GALNT13: variants seen among roughly 807,000 people sequenced by gnomAD.
The protein encoded by GALNT13 is UDP-GalNAc:polypeptide N-acetylgalactosaminyltransferase 13.
Under a neutral mutation model 64.2 loss-of-function variants are expected in GALNT13, and 28 were observed. The observed-to-expected ratio is 0.44, with a 90% CI of 0.32 to 0.60. GALNT13 has a LOEUF of 0.60. Among genes scored for constraint, GALNT13 ranks in the 20% least tolerant of loss-of-function variants. The pLI is 0.05. For synonymous variants in GALNT13, 214 were observed against 224.6 expected, an observed-to-expected ratio of 0.95 and a Z score of 0.42; for missense variants, 577 against 669.8, an observed-to-expected ratio of 0.86 and a Z score of 1.53.
At chr2:153,471,208 G>T in the GALNT13 span, among the ~76,000 whole-genome samples, 18 of 152,162 alleles carry the variant, frequency 1.2e-4, no homozygotes, top group Non-Finnish European at 2.2e-4. Context: ...ATTAGCAGAA[G>T]ATAGGATATT....
chr2:153,666,030 G>T, the GALNT13 span, among the ~76,000 whole-genome samples: 5 of 152,096 alleles, frequency 3.3e-5, no homozygotes, highest in East Asian at 9.7e-4. Flanking sequence ...CATGGGATGA[G>T]GTTAGTATGA....
At chr2:153,901,930 G>T (rs1045718602) in intron 2 of GALNT13, among the ~76,000 whole-genome samples, 8 of 152,006 alleles carry the variant, frequency 5.3e-5, no homozygotes, top group Non-Finnish European at 8.8e-5. Flanking sequence ...GTTGCTTTTT[G>T]CAGTGAAGAA....
At chr2:153,383,823 G>GA in the GALNT13 span, among the ~76,000 whole-genome samples, 1 of 151,990 alleles carries the variant, frequency 6.6e-6, no homozygotes, top group Non-Finnish European at 1.5e-5. Context: ...ATGAGTGGCA[G>GA]AAAAATCAAA....
At chr2:153,430,265 T>G in the GALNT13 span, among the ~76,000 whole-genome samples, 2 of 151,732 alleles carry the variant, frequency 1.3e-5, no homozygotes, top group African/African-American at 2.4e-5. Flanking sequence ...ATAGCCAATT[T>G]TAATTTTTTT....
At chr2:153,473,962 T>G in the GALNT13 span, among the ~76,000 whole-genome samples, 1 of 152,206 alleles carries the variant, frequency 6.6e-6, no homozygotes, top group Non-Finnish European at 1.5e-5. Flanking sequence ...CTTTGTCCTT[T>G]GAGAACGCAG....
chr2:153,319,613 T>A, the GALNT13 span, among the ~76,000 whole-genome samples: 14 of 152,270 alleles, frequency 9.2e-5, no homozygotes, highest in South Asian at 2.9e-3. Flanking sequence ...TTAAATATAG[T>A]GATTAACAAG....
the GALNT13 span, among the ~76,000 whole-genome samples, chr2:153,469,127 G>C: frequency 6.6e-6 from 1 of 151,830 alleles, no homozygotes; most frequent in South Asian, 2.1e-4. Flanking sequence ...CCAAGAAAAA[G>C]AGGATATATT....
chr2:153,532,653 T>C, the GALNT13 span, among the ~76,000 whole-genome samples: 2 of 152,210 alleles, frequency 1.3e-5, no homozygotes, highest in African/African-American at 4.8e-5. Context: ...TCTTTATAAG[T>C]TTCAGTTTTA....
At chr2:153,463,163 TA>T in the GALNT13 span, among the ~76,000 whole-genome samples, 1 of 151,996 alleles carries the variant, frequency 6.6e-6, no homozygotes, top group African/African-American at 2.4e-5. Flanking sequence ...ATAAATAATT[TA>T]AAAAGTAATT....
the GALNT13 span, among the ~76,000 whole-genome samples, chr2:153,418,191 G>A: frequency 1.3e-5 from 2 of 151,944 alleles, no homozygotes; most frequent in Non-Finnish European, 2.9e-5. Context: ...AGAAGCAGAG[G>A]TCAGTGAGGT....
rs543192783 is a variant in GALNT13 at position 153,967,744 on chromosome 2, A to G, written c.142+23105A>G. ...TGGTGCTCACCCATGGACCACATCT[A>G]CTACTGTCTGTCTGCCCCGGATATT... On this transcript the variant is annotated intron_variant, in intron 3 of 12. Transcript: ENST00000392825. Among the ~76,000 whole-genome samples the G allele has an allele frequency of 4.6e-5, 7 of 152,086 alleles. No homozygotes were observed. The South Asian group carries it at 1.5e-3, about 32-fold the overall frequency.
At chr2:153,682,580 T>C in the GALNT13 span, among the ~76,000 whole-genome samples, 4 of 151,760 alleles carry the variant, frequency 2.6e-5, no homozygotes, top group African/African-American at 4.8e-5. Context: ...TGTAGTTCCT[T>C]GGAAAAGAAT....
chr2:154,229,515 C>T (rs1184060288), intron 4 of GALNT13, among the ~76,000 whole-genome samples: 1 of 152,046 alleles, frequency 6.6e-6, no homozygotes, highest in African/African-American at 2.4e-5. Context: ...ATGACTTCAA[C>T]CTCTCAGTGA....
rs116958789 is a variant in GALNT13, at chr2:154,343,487, T to C, written c.1156+41898T>C. 4.3e-4 allele frequency among the ~76,000 whole-genome samples: 66 copies of C among 152,216 alleles called. No homozygotes were observed. In the East Asian group the frequency reaches 0.012, roughly 28 times the overall value. ...ATAGGATGTGATCTCATAAGACTACTATTATACAATAGAGTGCTAGAGCTT... is the reference window on the plus strand; with the variant it reads ...ATAGGATGTGATCTCATAAGACTACCATTATACAATAGAGTGCTAGAGCTT... On this transcript the variant is annotated intron_variant, in intron 9 of 12. Coordinates refer to ENST00000392825, the MANE Select transcript of GALNT13 (RefSeq NM_052917.4).
At chr2:153,928,192 A>G (rs1256852077) in intron 2 of GALNT13, among the ~76,000 whole-genome samples, 3 of 152,112 alleles carry the variant, frequency 2.0e-5, no homozygotes. Flanking sequence ...TTATTTTTCT[A>G]CAAATAAATG....
chr2:153,301,309 C>CAAAAAAAAAAAAAAAAAAAAA, the GALNT13 span, among the ~76,000 whole-genome samples: 2 of 76,428 alleles, frequency 2.6e-5, no homozygotes, highest in African/African-American at 6.7e-5. Flanking sequence ...GACTCCTTCT[C>CAAAAAAAAAAAAAAAAAAAAA]AAAAAAAAAG....
the GALNT13 span, among the ~76,000 whole-genome samples, chr2:153,607,776 T>C: frequency 6.6e-6 from 1 of 152,244 alleles, no homozygotes; most frequent in East Asian, 1.9e-4. Context: ...GAGGTGATAG[T>C]GTTTGTCCCA....
chr2:153,661,095 G>C, the GALNT13 span, among the ~76,000 whole-genome samples: 1 of 152,076 alleles, frequency 6.6e-6, no homozygotes, highest in Non-Finnish European at 1.5e-5. Flanking sequence ...CTAGTTACAG[G>C]TGAAAGAATT....
At chr2:153,544,136 AAAAT>A in the GALNT13 span, among the ~76,000 whole-genome samples, 10 of 152,232 alleles carry the variant, frequency 6.6e-5, no homozygotes, top group Non-Finnish European at 1.3e-4. Context: ...AAAGATGGAA[AAAAT>A]AAATACAGAA....
Sources: gnomAD v4.1 joint callset for allele counts (sites outside exome capture counted in the v4.1 genomes callset) on GRCh38, gnomAD v4.1.1 for gene constraint, MANE v1.5 for transcripts, NCBI Gene and HGNC (gene_info 2026-07-23, HGNC 2026-07-21) for gene names.